Variants in PDZRN3 observed in about 807,000 individuals in gnomAD.
PDZRN3 encodes the protein PDZ domain containing ring finger 3.
In PDZRN3, 38 loss-of-function variants were observed where a neutral mutation model predicts 85.7. The ratio of observed to expected loss-of-function variants is 0.44; its 90% CI spans 0.34 to 0.58. The LOEUF (loss-of-function observed/expected upper bound fraction) is 0.58. Among genes scored for constraint, PDZRN3 ranks in the 20% least tolerant of loss-of-function variants. PDZRN3 has a pLI of 0.01. For missense variants in PDZRN3, 1,629 were observed against 1,506.4 expected (o/e 1.08, Z -1.35); for synonymous variants, 759 against 638.0 (o/e 1.19, Z -2.86).
At chr3:73,537,637 C>T (rs185837434) in intron 3 of PDZRN3, among the ~76,000 whole-genome samples, 8 of 151,998 alleles carry the variant, frequency 5.3e-5, no homozygotes, top group Admixed American at 2.6e-4. Context: ...TTATTTATTT[C>T]GAGATGGTGT....
At position 73,384,667 on chromosome 3, in the gene PDZRN3, G is replaced by A. The variant is rs749752976; in HGVS notation, c.1899C>T (p.Ala633=). 1.1e-5 allele frequency: 18 copies of A among 1,613,860 alleles called. No homozygotes were observed. The highest frequency in any genetic ancestry group is 1.4e-5 in the Non-Finnish European group (17 of 1,180,038). Residue 633 remains alanine (A), a synonymous_variant, in exon 10 of 10, where the codon GCC becomes GCT. Coordinates refer to ENST00000263666, the MANE Select transcript of PDZRN3 (RefSeq NM_015009.3). ...CGTCCACCGGGATCCCCAGGTAGTC[G>A]GCGTCCGTGCAGTCGGCCGAAATGA... is the stretch of plus-strand genomic sequence containing the variant. ...ESFISADCTD[A]DYLGIPVDEC...
At chr3:73,402,073 A>G (rs909871429) in intron 4 of PDZRN3, among the ~76,000 whole-genome samples, 9 of 152,158 alleles carry the variant, frequency 5.9e-5, no homozygotes, top group South Asian at 2.1e-4. Context: ...TCAACTTAAC[A>G]TTCCCCATTC....
intron 3 of PDZRN3, among the ~76,000 whole-genome samples, chr3:73,453,404 C>CAAAAAAAAAAAAAAAAAA (rs1184407369): frequency 3.1e-5 from 3 of 97,542 alleles, no homozygotes; most frequent in Non-Finnish European, 4.2e-5. Context: ...GACTTCGTCT[C>CAAAAAAAAAAAAAAAAAA]AAAAAAAAAA....
intron 1 of PDZRN3, among the ~76,000 whole-genome samples, chr3:73,615,342 C>T (rs185506228): frequency 6.6e-6 from 1 of 152,316 alleles, no homozygotes; most frequent in East Asian, 1.9e-4. Flanking sequence ...TGGTGAACAA[C>T]CACAAGCAAT....
chr3:73,562,034 G>T (rs2106830563), intron 3 of PDZRN3, among the ~76,000 whole-genome samples: 1 of 151,938 alleles, frequency 6.6e-6, no homozygotes, highest in South Asian at 2.1e-4. Context: ...ACACTTACTA[G>T]GAAATTCATA....
intron 3 of PDZRN3, among the ~76,000 whole-genome samples, chr3:73,551,265 G>T (rs1329716162): frequency 6.6e-6 from 1 of 152,152 alleles, no homozygotes; most frequent in African/African-American, 2.4e-5. Flanking sequence ...GATGAGCTTT[G>T]AAATACTTTG....
intron 3 of PDZRN3, among the ~76,000 whole-genome samples, chr3:73,554,192 T>A (rs1041544456): frequency 2.6e-5 from 4 of 152,170 alleles, no homozygotes; most frequent in African/African-American, 9.7e-5. Flanking sequence ...TTTTACAATC[T>A]TATATATACC....
intron 3 of PDZRN3, among the ~76,000 whole-genome samples, chr3:73,577,359 G>C (rs1347219908): frequency 6.6e-6 from 1 of 152,216 alleles, no homozygotes; most frequent in East Asian, 1.9e-4. Flanking sequence ...CAGAGACGCA[G>C]ATGTTTGTGA....
Position 73,383,768 on chromosome 3 carries a change from A to C in PDZRN3, c.2798T>G (p.Ile933Ser). The C allele has an allele frequency of 6.2e-7, 1 of 1,612,998 alleles. No individual in the cohort carries two copies. Among genetic ancestry groups the C allele is most frequent in the Non-Finnish European group, 8.5e-7 (1 of 1,179,950 alleles). ...GCGGTCCCGCACGGGCCTCTTGGTG[A>C]TGTAGCGCGTCCCGTCGCTGCGGAT... Reference protein sequence around the residue: ...VKIRSDGTRYITKRPVRDRLL... With the variant: ...VKIRSDGTRYSTKRPVRDRLL... The change falls in exon 10 of 10, where the codon ATC becomes AGC. Residue 933 changes from isoleucine to serine, a missense_variant. Coordinates refer to ENST00000263666, the MANE Select transcript of PDZRN3 (RefSeq NM_015009.3).
intron 3 of PDZRN3, among the ~76,000 whole-genome samples, chr3:73,468,688 T>G (rs1703272653): frequency 6.6e-6 from 1 of 152,142 alleles, no homozygotes; most frequent in African/African-American, 2.4e-5. Context: ...TGAGGCAGTG[T>G]TCTTTAATTT....
Position 73,624,273 on chromosome 3 carries a change from T to C in PDZRN3, c.553A>G (p.Lys185Glu). The C allele has an allele frequency of 7.1e-7, 1 of 1,417,356 alleles. No homozygotes were observed. The highest frequency in any genetic ancestry group is 9.1e-7 in the Non-Finnish European group (1 of 1,093,268). The allele number at this position is 1,417,356 out of a possible 1,614,324, so 87.8% of individuals were successfully genotyped here. Residue 185 changes from lysine (K) to glutamate (E), a missense_variant, in exon 1 of 10, where the codon AAG (lysine) becomes GAG (glutamate). Physicochemically the swap from Lys to Glu is moderately conservative, Grantham distance 56. Coordinates refer to ENST00000263666, the MANE Select transcript of PDZRN3 (RefSeq NM_015009.3). ...ARLGALHKALKKEALRAGKRE... is the reference protein window; with the variant it reads ...ARLGALHKALEKEALRAGKRE... ...TTCCCAGCGCGCAGCGCCTCCTTCTTGAGCGCCTTGTGCAGCGCGCCCAGG... is the reference window on the plus strand; with the variant it reads ...TTCCCAGCGCGCAGCGCCTCCTTCTCGAGCGCCTTGTGCAGCGCGCCCAGG...
intron 3 of PDZRN3, among the ~76,000 whole-genome samples, chr3:73,481,569 A>T (rs146960620): frequency 5.9e-5 from 9 of 152,150 alleles, no homozygotes; most frequent in Admixed American, 3.3e-4. Flanking sequence ...ACCTCAGGTG[A>T]TCTGCCCACC....
At chr3:73,422,133 G>T (rs967979738) in intron 3 of PDZRN3, among the ~76,000 whole-genome samples, 9 of 152,236 alleles carry the variant, frequency 5.9e-5, no homozygotes, top group African/African-American at 2.2e-4. Flanking sequence ...TGAGGGCAGG[G>T]ACTTTTCTTT....
chr3:73,519,755 C>A (rs989214111), intron 3 of PDZRN3, among the ~76,000 whole-genome samples: 1 of 152,136 alleles, frequency 6.6e-6, no homozygotes, highest in Non-Finnish European at 1.5e-5. Context: ...TCACATCACC[C>A]GGGAATGTGA....
intron 3 of PDZRN3, among the ~76,000 whole-genome samples, chr3:73,449,392 TAAA>T (rs1316501257): frequency 9.9e-5 from 15 of 151,260 alleles, no homozygotes; most frequent in Non-Finnish European, 5.9e-5. Context: ...GAGAGGGAAA[TAAA>T]AACCTGCCTG....
At chr3:73,538,641 T>C (rs1030706846) in intron 3 of PDZRN3, among the ~76,000 whole-genome samples, 7 of 152,226 alleles carry the variant, frequency 4.6e-5, no homozygotes, top group Non-Finnish European at 7.3e-5. Context: ...TTTTTCCTTA[T>C]GTCAGGCAAT....
intron 3 of PDZRN3, among the ~76,000 whole-genome samples, chr3:73,591,716 C>T (rs1232412323): frequency 1.3e-5 from 2 of 152,154 alleles, no homozygotes; most frequent in Admixed American, 1.3e-4. Context: ...ACTTTATCCA[C>T]ATTTTACAGA....
chr3:73,439,444 C>T (rs1702591305), intron 3 of PDZRN3, among the ~76,000 whole-genome samples: 1 of 152,184 alleles, frequency 6.6e-6, no homozygotes, highest in African/African-American at 2.4e-5. Flanking sequence ...GCCCAAATCA[C>T]AATCTGTTGA....
chr3:73,463,111 AGT>A (rs746228568), intron 3 of PDZRN3, among the ~76,000 whole-genome samples: 50 of 152,286 alleles, frequency 3.3e-4, no homozygotes, highest in Admixed American at 8.5e-4. Context: ...AGGGAAGACT[AGT>A]GTCAAAAAGA....
Sources: gnomAD v4.1 joint callset for allele counts (sites outside exome capture counted in the v4.1 genomes callset) on GRCh38, gnomAD v4.1.1 for gene constraint, MANE v1.5 for transcripts, NCBI Gene and HGNC (gene_info 2026-07-23, HGNC 2026-07-21) for gene names.